Variants in EPHA6 observed in about 807,000 individuals in gnomAD.
The protein encoded by EPHA6 is EPH receptor A6, also known as ephrin type-A receptor 6.
EPHA6 carries 50 observed loss-of-function variants against 112.0 expected under a neutral mutation model. The observed-to-expected ratio is 0.45, with a 90% confidence interval of 0.36 to 0.56. The LOEUF (loss-of-function observed/expected upper bound fraction) is 0.56, where lower values mean the gene tolerates loss of function less well. Ranked by LOEUF, EPHA6 falls within the 20% of genes least tolerant of loss-of-function variation. The probability of loss-of-function intolerance (pLI) is 0.00; values close to 1 mark genes in which losing one functional copy is unlikely to be tolerated. For missense variants in EPHA6, 1,280 were observed against 1,417.4 expected (o/e 0.90, Z 1.56); for synonymous variants, 529 against 490.7 (o/e 1.08, Z -1.03).
At chr3:96,882,120 C>T (rs1559797603) in intron 2 of EPHA6, among the ~76,000 whole-genome samples, 1 of 152,182 alleles carries the variant, frequency 6.6e-6, no homozygotes, top group Non-Finnish European at 1.5e-5. Flanking sequence ...CCTCTTCTTA[C>T]AGCTCCATTA....
At chr3:97,369,195 C>T (rs768370349) in intron 5 of EPHA6, among the ~76,000 whole-genome samples, 2 of 152,104 alleles carry the variant, frequency 1.3e-5, no homozygotes, top group Non-Finnish European at 2.9e-5. Context: ...CCAGAACATG[C>T]AAGTAATAGA....
intron 3 of EPHA6, among the ~76,000 whole-genome samples, chr3:97,193,497 C>A (rs2077361386): frequency 6.6e-6 from 1 of 151,984 alleles, no homozygotes; most frequent in African/African-American, 2.4e-5. Context: ...ATGTATTCTG[C>A]AACTTTACTG....
At chr3:97,095,556 C>G (rs1031650921) in intron 3 of EPHA6, among the ~76,000 whole-genome samples, 2 of 151,928 alleles carry the variant, frequency 1.3e-5, no homozygotes, top group African/African-American at 4.8e-5. Flanking sequence ...TTCAAACACT[C>G]ATCAGACTAA....
At chr3:96,815,593 T>C (rs1346347909) in intron 1 of EPHA6, among the ~76,000 whole-genome samples, 1 of 152,086 alleles carries the variant, frequency 6.6e-6, no homozygotes, top group Non-Finnish European at 1.5e-5. Flanking sequence ...TTCATATTCT[T>C]GCGGGCAGGG....
chr3:97,378,180 C>T (rs544326152), intron 5 of EPHA6, among the ~76,000 whole-genome samples: 2 of 152,298 alleles, frequency 1.3e-5, no homozygotes, highest in South Asian at 2.1e-4. Flanking sequence ...GCCCCTTCAG[C>T]CATGGCTGAA....
At chr3:96,939,404 G>A (rs1371424228) in intron 2 of EPHA6, among the ~76,000 whole-genome samples, 1 of 152,120 alleles carries the variant, frequency 6.6e-6, no homozygotes, top group Non-Finnish European at 1.5e-5. Flanking sequence ...AGAGATGTTT[G>A]TAGTATTCTC....
intron 3 of EPHA6, among the ~76,000 whole-genome samples, chr3:96,996,080 G>T (rs1235201107): frequency 2.0e-5 from 3 of 152,068 alleles, no homozygotes; most frequent in Admixed American, 6.6e-5. Flanking sequence ...TAAACATTTT[G>T]CTGTCATTTC....
intron 5 of EPHA6, among the ~76,000 whole-genome samples, chr3:97,368,162 A>G (rs535180309): frequency 1.3e-4 from 20 of 152,318 alleles, no homozygotes; most frequent in African/African-American, 4.8e-4. Flanking sequence ...GCCAGAAACT[A>G]TCTTTTGTTC....
chr3:97,407,043 ACTGT>A (rs1190669242), intron 6 of EPHA6, among the ~76,000 whole-genome samples: 1 of 152,166 alleles, frequency 6.6e-6, no homozygotes, highest in African/African-American at 2.4e-5. Flanking sequence ...TAGAAAAATC[ACTGT>A]CTAATTTTAT....
Position 97,714,335 on chromosome 3 carries a change from G to A in EPHA6, c.2785-5926G>A, listed in dbSNP as rs370777416. 3.3e-4 allele frequency among the ~76,000 whole-genome samples: 50 copies of A among 152,280 alleles called. 1 individual carries two copies. The South Asian group carries it at 7.9e-3, about 24-fold the overall frequency. ...TTATCTAGAAGCCAAAATATGAGAA[G>A]TTTCTCCTTTGTAGCTATAAATGAA... On this transcript the variant is annotated intron_variant, in intron 14 of 17. Coordinates refer to ENST00000389672, the MANE Select transcript of EPHA6 (RefSeq NM_001080448.3).
intron 3 of EPHA6, among the ~76,000 whole-genome samples, chr3:97,196,617 G>A (rs182488511): frequency 6.6e-6 from 1 of 152,082 alleles, no homozygotes; most frequent in Admixed American, 6.6e-5. Flanking sequence ...CAACATTCTT[G>A]TGAAGGCTAT....
intron 10 of EPHA6, among the ~76,000 whole-genome samples, chr3:97,494,080 T>A (rs1273235651): frequency 6.6e-6 from 1 of 152,244 alleles, no homozygotes; most frequent in Non-Finnish European, 1.5e-5. Context: ...GTACCTATTA[T>A]GGGTTATCTT....
chr3:96,971,148 T>C (rs1559632617), intron 2 of EPHA6, among the ~76,000 whole-genome samples: 1 of 152,098 alleles, frequency 6.6e-6, no homozygotes, highest in Non-Finnish European at 1.5e-5. Context: ...ATACAGAAGA[T>C]GAACTGTTTA....
chr3:97,208,565 G>C (rs1329101967), intron 3 of EPHA6, among the ~76,000 whole-genome samples: 1 of 151,958 alleles, frequency 6.6e-6, no homozygotes, highest in African/African-American at 2.4e-5. Flanking sequence ...GGGCAACATG[G>C]TGAAACCCCG....
chr3:97,547,619 G>A (rs975058155), intron 11 of EPHA6, among the ~76,000 whole-genome samples: 1 of 152,220 alleles, frequency 6.6e-6, no homozygotes, highest in Non-Finnish European at 1.5e-5. Context: ...TAAGTCTGCA[G>A]AGGTTACTGC....
At chr3:97,577,721 C>A (rs1199001717) in intron 11 of EPHA6, among the ~76,000 whole-genome samples, 1 of 152,144 alleles carries the variant, frequency 6.6e-6, no homozygotes, top group African/African-American at 2.4e-5. Context: ...AAGCAAAAAT[C>A]AAGTACAAAT....
At chr3:97,085,200 C>T (rs1023733871) in intron 3 of EPHA6, among the ~76,000 whole-genome samples, 2 of 151,952 alleles carry the variant, frequency 1.3e-5, no homozygotes, top group Admixed American at 1.3e-4. Context: ...TCAGAAGGTA[C>T]CTTATACAAG....
chr3:97,608,505 A>G (rs1576057365), intron 12 of EPHA6, among the ~76,000 whole-genome samples: 1 of 151,546 alleles, frequency 6.6e-6, no homozygotes, highest in East Asian at 1.9e-4. Context: ...AGAAAGAAAA[A>G]CAACTTAATA....
intron 7 of EPHA6, among the ~76,000 whole-genome samples, chr3:97,467,601 G>A (rs1375736487): frequency 1.3e-5 from 2 of 151,696 alleles, no homozygotes; most frequent in African/African-American, 4.8e-5. Flanking sequence ...ATTTTACACT[G>A]GATCTTAAAA....
Sources: gnomAD v4.1 joint callset for allele counts (sites outside exome capture counted in the v4.1 genomes callset) on GRCh38, gnomAD v4.1.1 for gene constraint, MANE v1.5 for transcripts, NCBI Gene and HGNC (gene_info 2026-07-23, HGNC 2026-07-21) for gene names.